WASHC2C: variants seen among roughly 807,000 people sequenced by gnomAD.
WASHC2C encodes the protein WASH complex subunit 2C.
WASHC2C carries 73 observed loss-of-function variants against 142.2 expected under a neutral mutation model. The ratio of observed to expected loss-of-function variants is 0.51; its 90% CI spans 0.43 to 0.62. The LOEUF (loss-of-function observed/expected upper bound fraction) is 0.62, where lower values mean the gene tolerates loss of function less well. Ranked by LOEUF, WASHC2C falls within the 20% of genes least tolerant of loss-of-function variation. WASHC2C has a pLI of 0.00. For missense variants in WASHC2C, 969 were observed against 1,531.7 expected (o/e 0.63, Z 6.13); for synonymous variants, 337 against 565.5 (o/e 0.60, Z 5.73).
At chr10:45,747,863 G>A (rs1162289806) in intron 8 of WASHC2C, among the ~76,000 whole-genome samples, 20 of 150,204 alleles carry the variant, frequency 1.3e-4, no homozygotes, top group Admixed American at 9.9e-4. Context: ...GGGATTACAG[G>A]TATGAGCCAC....
Position 45,757,103 on chromosome 10 carries a change from TCAGA to T in WASHC2C, c.1517_1520del (p.Thr506MetfsTer50). 1 of 1,605,572 alleles carries T rather than the reference TCAGA, an allele frequency of 6.2e-7. No homozygotes were observed. Among genetic ancestry groups the T allele is most frequent in the Non-Finnish European group, 8.5e-7 (1 of 1,177,914 alleles). On this transcript the variant is annotated frameshift_variant, in exon 16 of 31. Coordinates refer to ENST00000623400, the MANE Select transcript of WASHC2C (RefSeq NM_001330074.2). LOFTEE classifies it high-confidence loss of function. ...TAGCATCGCCAGAAGCCACTGTGAG[TCAGA>T]CAGATGAAAATAAAGCAAGAGCAGA... is the stretch of plus-strand genomic sequence containing the variant.
rs1339521802 is a variant in WASHC2C, at chr10:45,788,887, G to A, written c.3104G>A (p.Arg1035Lys). Residue 1035 changes from arginine (R) to lysine (K), a missense_variant, in exon 29 of 31, where the codon AGA becomes AAA. Coordinates refer to ENST00000623400, the MANE Select transcript of WASHC2C (RefSeq NM_001330074.2). ...CCGTTGCAGAGCCGTGTCAAGATGA[G>A]AGGGAAGCGTAGACCGCAGACCCGT... ...HSANKSRVKMRGKRRPQTRAA... is the reference protein window; with the variant it reads ...HSANKSRVKMKGKRRPQTRAA... 3.7e-6 allele frequency: 6 copies of A among 1,612,056 alleles called. No homozygotes were observed. Among genetic ancestry groups the A allele is most frequent in the Non-Finnish European group, 4.2e-6 (5 of 1,179,872 alleles).
At chr10:45,755,179 A>G (rs2054093224) in intron 15 of WASHC2C, 64 bp downstream of exon 15, 5 of 1,549,156 alleles carry the variant, frequency 3.2e-6, no homozygotes, top group Non-Finnish European at 4.4e-6. Flanking sequence ...TAAAAAGAAC[A>G]TAAGCTCACC....
chr10:45,729,487 T>C, intron 3 of WASHC2C, among the ~76,000 whole-genome samples: 1 of 152,200 alleles, frequency 6.6e-6, no homozygotes, highest in Non-Finnish European at 1.5e-5. Flanking sequence ...ATGGCCGAAC[T>C]TACAATATGG....
Position 45,728,728 on chromosome 10 carries a change from C to T in WASHC2C, c.127-134C>T. On this transcript the variant is annotated intron_variant, in intron 2 of 30. Coordinates refer to ENST00000623400, the MANE Select transcript of WASHC2C (RefSeq NM_001330074.2). ...CCCAGGCAACAGAGTGAAACTCTCT[C>T]TCAAAAAAAAAAAAAAGCATTTCTT... 3 of 1,334,890 alleles carry T rather than the reference C, an allele frequency of 2.2e-6. No homozygotes were observed. The South Asian group carries it at 4.8e-5, about 21-fold the overall frequency. 82.7% of individuals were successfully genotyped at this position (1,334,890 alleles called of 1,614,324 possible). A position where few individuals can be genotyped will look rare whatever the true frequency, so the allele number is the denominator to read the frequency against.
intron 10 of WASHC2C, among the ~76,000 whole-genome samples, chr10:45,751,091 GGATT>G (rs1480031475): frequency 6.6e-6 from 1 of 151,920 alleles, no homozygotes; most frequent in Non-Finnish European, 1.5e-5. Context: ...TAATTTCAGG[GGATT>G]AATGGAAACT....
rs1416432765 is a variant in WASHC2C, at chr10:45,792,305, A to G, written c.3931A>G (p.Lys1311Glu). ...TGIQAKTTKP[K>E]SRSAQAAPEP... is the part of the protein sequence containing the mutation. The stretch of plus-strand genomic sequence containing the variant: ...TATCCAGGCTAAGACAACCAAACCA[A>G]AAAGCCGATCTGCACAGGCCGCACC... The change falls in exon 31 of 31, where the codon AAA (lysine) becomes GAA (glutamate). Residue 1311 changes from lysine to glutamate, a missense_variant. Physicochemically the swap from Lys to Glu is moderately conservative, Grantham distance 56 (BLOSUM62 1). Transcript: ENST00000623400. 3.8e-6 allele frequency: 6 copies of G among 1,564,008 alleles called. 1 individual carries two copies. The highest frequency in any genetic ancestry group is 5.2e-6 in the Non-Finnish European group (6 of 1,146,062).
At position 45,728,935 on chromosome 10, in the gene WASHC2C, G is replaced by A. The variant is rs200162117; in HGVS notation, c.200G>A (p.Gly67Glu). The A allele has an allele frequency of 2.1e-4, 338 of 1,613,924 alleles. No homozygotes were observed. Among genetic ancestry groups the A allele is most frequent in the Non-Finnish European group, 2.7e-4 (319 of 1,179,860 alleles). Reference protein sequence around the residue: ...RTHEIKKQVDGLIRETKATDC... With the variant: ...RTHEIKKQVDELIRETKATDC... ...CATGAAATCAAGAAACAAGTGGACG[G>A]ACTAATCCGGGAAACCAAAGCCACA... is the stretch of plus-strand genomic sequence containing the variant. The change falls in exon 3 of 31, where the codon GGA (glycine) becomes GAA (glutamate). Residue 67 changes from glycine to glutamate, a missense_variant. Physicochemically the swap from Gly to Glu is moderately conservative, Grantham distance 98 (BLOSUM62 -2). Transcript: ENST00000623400.
At chr10:45,742,034 A>G (rs1295647774) in intron 5 of WASHC2C, among the ~76,000 whole-genome samples, 49 of 151,256 alleles carry the variant, frequency 3.2e-4, no homozygotes, top group African/African-American at 1.1e-3. Context: ...ACCTCAAGTG[A>G]TCCGCCCGCC....
chr10:45,789,587 G>C, intron 29 of WASHC2C, 96 bp downstream of exon 29: 1 of 1,543,836 alleles, frequency 6.5e-7, no homozygotes, highest in Non-Finnish European at 8.9e-7. Context: ...CTTGTTGCGT[G>C]CATACCCCAT....
At chr10:45,738,676 A>G (rs1304559763) in intron 4 of WASHC2C, among the ~76,000 whole-genome samples, 2 of 152,122 alleles carry the variant, frequency 1.3e-5, no homozygotes, top group Admixed American at 1.3e-4. Context: ...CATTTTTTTA[A>G]AAAAGTTATT....
intron 30 of WASHC2C, among the ~76,000 whole-genome samples, chr10:45,791,092 G>A (rs1185129647): frequency 1.4e-5 from 2 of 147,600 alleles, no homozygotes; most frequent in Admixed American, 1.4e-4. Context: ...GCAAATGCCC[G>A]AGAACCCTAA....
intron 20 of WASHC2C, among the ~76,000 whole-genome samples, chr10:45,772,317 T>C (rs1554884935): frequency 6.6e-6 from 1 of 151,936 alleles, no homozygotes; most frequent in Admixed American, 6.6e-5. Flanking sequence ...ACTTAGGTTG[T>C]AGTGATATTG....
intron 5 of WASHC2C, among the ~76,000 whole-genome samples, chr10:45,741,050 C>T (rs1430280257): frequency 6.6e-6 from 1 of 151,600 alleles, no homozygotes; most frequent in African/African-American, 2.4e-5. Flanking sequence ...CAGGTTCAAG[C>T]GATTCTCCTG....
At chr10:45,752,182 G>A (rs1457957614) in intron 11 of WASHC2C, among the ~76,000 whole-genome samples, 1 of 152,170 alleles carries the variant, frequency 6.6e-6, no homozygotes, top group South Asian at 2.1e-4. Flanking sequence ...CCTGCAAACA[G>A]CCATGTCGAT....
At position 45,734,018 on chromosome 10, in the gene WASHC2C, T is replaced by C. The variant is rs576816538; in HGVS notation, c.292-3965T>C. Among the ~76,000 whole-genome samples, 206 of 152,038 alleles carry C rather than the reference T, an allele frequency of 1.4e-3. 2 individuals carry two copies. The highest frequency in any genetic ancestry group is 4.8e-3 in the African/African-American group (199 of 41,436). The stretch of plus-strand genomic sequence containing the variant: ...GTGGGCGGATCAGGAGGTCAGGAGA[T>C]TGAGACCATCCTGACTAACACGGTG... On this transcript the variant is annotated intron_variant, in intron 3 of 30. Coordinates refer to ENST00000623400, the MANE Select transcript of WASHC2C (RefSeq NM_001330074.2).
At chr10:45,784,275 T>TATATATATATATACACACACAC (rs2057805178) in intron 23 of WASHC2C, among the ~76,000 whole-genome samples, 8 of 7,358 alleles carry the variant, frequency 1.1e-3, no homozygotes. Flanking sequence ...TATATATATA[T>TATATATATATATACACACACAC]ATATATATAT....
intron 5 of WASHC2C, among the ~76,000 whole-genome samples, 181 bp downstream of exon 5, chr10:45,740,427 G>A (rs1306399861): frequency 6.6e-6 from 1 of 152,156 alleles, no homozygotes; most frequent in Non-Finnish European, 1.5e-5. Context: ...TACTTGTGAG[G>A]TGCAAGGCAA....
rs2058246224 is a variant in WASHC2C, at chr10:45,789,044, TG to T, written c.3263del (p.Gly1088GlufsTer67). On this transcript the variant is annotated frameshift_variant, in exon 29 of 31. Coordinates refer to ENST00000623400, the MANE Select transcript of WASHC2C (RefSeq NM_001330074.2). LOFTEE classifies it high-confidence loss of function. ...ATCGGCCACAGCTCAGAGCAGCCAGTGGAGAAGACAGCACTGAGGAGGCCCT... is the reference window on the plus strand; with the variant it reads ...ATCGGCCACAGCTCAGAGCAGCCAGTGAGAAGACAGCACTGAGGAGGCCCT... ...GHRPQLRAAS[G>X]EDSTEEALAA... 2 of 1,611,876 alleles carry T rather than the reference TG, an allele frequency of 1.2e-6. No homozygotes were observed. The highest frequency in any genetic ancestry group is 1.7e-5 in the Admixed American group (1 of 59,994).
Sources: allele counts gnomAD v4.1 joint callset (sites outside exome capture counted in the v4.1 genomes callset), GRCh38; gene constraint gnomAD v4.1.1; transcripts MANE v1.5; gene names NCBI Gene and HGNC (gene_info 2026-07-23, HGNC 2026-07-21).